The following LMX1B variants were observed in gnomAD, a reference collection of about 807,000 sequenced individuals.
LMX1B encodes the protein LIM homeobox transcription factor 1 beta, also known as LIM homeobox transcription factor 1-beta.
LMX1B carries 12 observed loss-of-function variants against 51.4 expected under a neutral mutation model. The ratio of observed to expected loss-of-function variants is 0.23; its 90% CI spans 0.15 to 0.38. The LOEUF (loss-of-function observed/expected upper bound fraction) is 0.38, where lower values mean the gene tolerates loss of function less well. Among genes scored for constraint, LMX1B ranks in the 10% least tolerant of loss-of-function variants. LMX1B has a pLI of 1.00. For missense variants in LMX1B, 445 were observed against 571.1 expected (o/e 0.78, Z 2.25); for synonymous variants, 237 against 235.4 (o/e 1.01, Z -0.06).
intron 2 of LMX1B, among the ~76,000 whole-genome samples, chr9:126,638,396 G>C (rs369571027): frequency 6.6e-6 from 1 of 151,844 alleles, no homozygotes; most frequent in Non-Finnish European, 1.5e-5. Flanking sequence ...TGCAGCCCAG[G>C]AGGCCAGTGC....
rs1400643004 is a variant in LMX1B at position 126,625,343 on chromosome 9, A to G, written c.326+9774A>G. Among the ~76,000 whole-genome samples, 1 of 152,164 alleles carries G rather than the reference A, an allele frequency of 6.6e-6. No homozygotes were observed. The highest frequency in any genetic ancestry group is 1.5e-5 in the Non-Finnish European group (1 of 68,030). On this transcript the variant is annotated intron_variant, in intron 2 of 7. Transcript: ENST00000373474. The surrounding 1 kb of genome is among the most constrained non-coding windows in gnomAD (Gnocchi z 5.3). ...AAATGGGGACAGTGACCCCACGACT[A>G]GAGGATGAATGGGGGGAGGGTTAGT...
At chr9:126,694,794 C>T (rs1017338294) in intron 6 of LMX1B, among the ~76,000 whole-genome samples, 4 of 152,172 alleles carry the variant, frequency 2.6e-5, no homozygotes, top group African/African-American at 7.2e-5. Context: ...GTCACTGCCT[C>T]TGGTCTCCCA....
At position 126,695,879 on chromosome 9, in the gene LMX1B, C is replaced by T. The variant is rs754320010; in HGVS notation, c.927C>T (p.Tyr309=). 2 of 1,613,302 alleles carry T rather than the reference C, an allele frequency of 1.2e-6. No individual in the cohort carries two copies. The highest frequency in any genetic ancestry group is 1.7e-6 in the Non-Finnish European group (2 of 1,179,792). Residue 309 remains tyrosine (Y), a synonymous_variant, in exon 7 of 8, where the codon TAC becomes TAT. Coordinates refer to ENST00000373474, the MANE Select transcript of LMX1B (RefSeq NM_001174147.2). The surrounding 1 kb of genome is among the most constrained non-coding windows in gnomAD (Gnocchi z 5.2). ...SSRMEGMMAS[Y]TPLAPPQQQI... is the part of the protein sequence containing the mutation. Reference sequence around the variant, plus strand: ...GCATGGAGGGCATGATGGCTTCCTACACGCCGCTGGCCCCACCACAGCAGC... The same window carrying T: ...GCATGGAGGGCATGATGGCTTCCTATACGCCGCTGGCCCCACCACAGCAGC...
chr9:126,659,113 C>T (rs1411973045), intron 2 of LMX1B, among the ~76,000 whole-genome samples: 2 of 152,230 alleles, frequency 1.3e-5, no homozygotes, highest in East Asian at 1.9e-4. Context: ...CTGTCTGTTG[C>T]TGGGAGCCAG....
intron 2 of LMX1B, among the ~76,000 whole-genome samples, chr9:126,679,551 AGTGGATGTATGG>A (rs1197605553): frequency 2.0e-5 from 3 of 152,122 alleles, no homozygotes. Flanking sequence ...TGGGCAGATG[AGTGGATGTATGG>A]GTGGATGGAT....
intron 2 of LMX1B, among the ~76,000 whole-genome samples, chr9:126,681,146 A>C (rs1489996068): frequency 5.3e-5 from 8 of 152,182 alleles, no homozygotes; most frequent in Admixed American, 6.5e-5. Context: ...CTCACCCTGT[A>C]GCAGTGTGTC....
chr9:126,661,654 G>A (rs1484568241), intron 2 of LMX1B, among the ~76,000 whole-genome samples: 1 of 152,130 alleles, frequency 6.6e-6, no homozygotes, highest in African/African-American at 2.4e-5. Context: ...GGAGCCCTGT[G>A]GGGCCCCGCC....
At chr9:126,664,419 C>G (rs1564159953) in intron 2 of LMX1B, among the ~76,000 whole-genome samples, 2 of 152,188 alleles carry the variant, frequency 1.3e-5, no homozygotes, top group East Asian at 1.9e-4. Context: ...GGGGGGGAGG[C>G]AGTTATACCC....
chr9:126,672,266 G>A (rs1836472467), intron 2 of LMX1B, among the ~76,000 whole-genome samples: 1 of 152,226 alleles, frequency 6.6e-6, no homozygotes, highest in African/African-American at 2.4e-5. Context: ...GACTGAATGA[G>A]AGCCAGTGTC....
At chr9:126,693,945 A>G in intron 6 of LMX1B, 133 bp downstream of exon 6, 2 of 610,734 alleles carry the variant, frequency 3.3e-6, no homozygotes, top group South Asian at 1.9e-5. Context: ...CCGGGGCTGC[A>G]CCTGTCCCAG....
rs1235690427 is a variant in LMX1B, at chr9:126,625,473, G to C, written c.326+9904G>C. Reference sequence around the variant, plus strand: ...CACACCCACCACCCCCATTAAAGCGGGATTGACCAGAAGAGAGAGGCCGAA... The same window carrying C: ...CACACCCACCACCCCCATTAAAGCGCGATTGACCAGAAGAGAGAGGCCGAA... On this transcript the variant is annotated intron_variant, in intron 2 of 7. Transcript: ENST00000373474. The surrounding 1 kb of genome is among the most constrained non-coding windows in gnomAD (Gnocchi z 5.3). 6.6e-6 allele frequency among the ~76,000 whole-genome samples: 1 copy of C among 152,222 alleles called. No individual in the cohort carries two copies. The highest frequency in any genetic ancestry group is 1.5e-5 in the Non-Finnish European group (1 of 68,038).
intron 2 of LMX1B, among the ~76,000 whole-genome samples, chr9:126,622,608 G>A (rs1456118176): frequency 3.9e-5 from 6 of 152,210 alleles, no homozygotes; most frequent in East Asian, 1.9e-4. Flanking sequence ...CCCTTCTCCC[G>A]CCTCCTGCCT....
chr9:126,623,611 G>A (rs1399075265), intron 2 of LMX1B, among the ~76,000 whole-genome samples: 2 of 152,196 alleles, frequency 1.3e-5, no homozygotes, highest in Non-Finnish European at 2.9e-5. Flanking sequence ...CCCAAAGCCG[G>A]ATGGGTTCTC....
At position 126,653,142 on chromosome 9, in the gene LMX1B, C is replaced by CTT. The variant is rs5900715; in HGVS notation, c.326+37600_326+37601dup. Among the ~76,000 whole-genome samples, 189 of 55,394 alleles carry CTT rather than the reference C, an allele frequency of 3.4e-3. 28 individuals carry two copies. Among genetic ancestry groups the CTT allele is most frequent in the African/African-American group, 0.011 (155 of 13,866 alleles). 36.3% of individuals were successfully genotyped at this position (55,394 alleles called of 152,430 possible). A position where few individuals can be genotyped will look rare whatever the true frequency, so the allele number is the denominator to read the frequency against. On this transcript the variant is annotated intron_variant, in intron 2 of 7. Transcript: ENST00000373474. The stretch of plus-strand genomic sequence containing the variant: ...TGTTTTGTTTTGTTTCAAGTAGATG[C>CTT]TTTTTTTTTTTTTTTTTTTTTTTTT...
chr9:126,628,943 T>C (rs1835583282), intron 2 of LMX1B, among the ~76,000 whole-genome samples: 1 of 152,054 alleles, frequency 6.6e-6, no homozygotes. Flanking sequence ...CCATCGTGTT[T>C]TTATTAAAAA....
At chr9:126,662,069 C>T (rs997641755) in intron 2 of LMX1B, among the ~76,000 whole-genome samples, 2 of 152,218 alleles carry the variant, frequency 1.3e-5, no homozygotes, top group African/African-American at 4.8e-5. Context: ...CCCCACGCAG[C>T]GCCCTGCAGA....
At chr9:126,639,925 T>C (rs1835777652) in intron 2 of LMX1B, among the ~76,000 whole-genome samples, 1 of 152,238 alleles carries the variant, frequency 6.6e-6, no homozygotes, top group South Asian at 2.1e-4. Flanking sequence ...CTCAATGTGT[T>C]TGATATTTCC....
chr9:126,628,986 A>G (rs1159999113), intron 2 of LMX1B, among the ~76,000 whole-genome samples: 1 of 48,694 alleles, frequency 2.1e-5, no homozygotes, highest in Non-Finnish European at 5.2e-5. Flanking sequence ...GGTGTCTTCA[A>G]TTAGATTAAA....
intron 2 of LMX1B, among the ~76,000 whole-genome samples, chr9:126,629,198 G>A (rs920038959): frequency 6.6e-5 from 10 of 152,116 alleles, no homozygotes; most frequent in Non-Finnish European, 1.0e-4. Context: ...CATTCTGCAC[G>A]GTACTTGGGG....
Sources: gnomAD v4.1 joint callset for allele counts (sites outside exome capture counted in the v4.1 genomes callset) on GRCh38, gnomAD v4.1.1 for gene constraint, Gnocchi (gnomAD v3.1) non-coding constraint, MANE v1.5 for transcripts, NCBI Gene and HGNC (gene_info 2026-07-23, HGNC 2026-07-21) for gene names.